PJA2: variants seen among roughly 807,000 people sequenced by gnomAD.
PJA2 encodes the protein E3 ubiquitin-protein ligase Praja-2.
PJA2 carries 25 observed loss-of-function variants against 69.3 expected under a neutral mutation model. The observed-to-expected ratio is 0.36, with a 90% CI of 0.26 to 0.50. PJA2 has a LOEUF of 0.50. PJA2 is among the 20% of genes least tolerant of loss of function. The probability of loss-of-function intolerance (pLI) is 0.96; values close to 1 mark genes in which losing one functional copy is unlikely to be tolerated. For synonymous variants in PJA2, 308 were observed against 277.8 expected, an observed-to-expected ratio of 1.11 and a Z score of -1.08; for missense variants, 809 against 830.2, an observed-to-expected ratio of 0.97 and a Z score of 0.31.
At chr5:109,349,885 T>C (rs554722541) in intron 7 of PJA2, among the ~76,000 whole-genome samples, 99 of 152,320 alleles carry the variant, frequency 6.5e-4, no homozygotes, top group African/African-American at 2.3e-3. Flanking sequence ...AGATAGGAAA[T>C]GGAAGGTAAG....
At chr5:109,362,762 G>T in intron 6 of PJA2, 78 bp downstream of exon 6, 1 of 1,348,342 alleles carries the variant, frequency 7.4e-7, no homozygotes. Context: ...TTCTCAGCTA[G>T]CAGAGATTTA....
intron 1 of PJA2, among the ~76,000 whole-genome samples, chr5:109,401,865 T>TA (rs1747559701): frequency 6.6e-6 from 1 of 152,214 alleles, no homozygotes; most frequent in Non-Finnish European, 1.5e-5. Context: ...GGCTAATGAC[T>TA]ACCATACTAG....
Position 109,378,512 on chromosome 5 carries a change from G to C in PJA2, c.975C>G (p.Ser325Arg). The change falls in exon 4 of 10, where the codon AGC becomes AGG. Residue 325 changes from serine to arginine, a missense_variant. This residue lies in a region of PJA2 where 700 missense variants were observed against 639.5 expected (regional missense o/e 1.09). Coordinates refer to ENST00000361189, the MANE Select transcript of PJA2 (RefSeq NM_014819.5). ...RPKVRKLISS[S>R]QVDQETGFNR... Reference sequence around the variant, plus strand: ...TAAAACCTGTTTCTTGGTCCACCTGGCTTGAACTTATCAGTTTTCTAACTT... The same window carrying C: ...TAAAACCTGTTTCTTGGTCCACCTGCCTTGAACTTATCAGTTTTCTAACTT... 2.5e-6 allele frequency: 4 copies of C among 1,614,056 alleles called. No homozygotes were observed. Among genetic ancestry groups the C allele is most frequent in the Non-Finnish European group, 3.4e-6 (4 of 1,179,992 alleles).
At chr5:109,364,635 A>G (rs1457557502) in intron 5 of PJA2, among the ~76,000 whole-genome samples, 2 of 142,984 alleles carry the variant, frequency 1.4e-5, no homozygotes, top group African/African-American at 2.5e-5. Flanking sequence ...AAAAAAAAAA[A>G]AAAAAATTTC....
At chr5:109,399,731 G>A (rs912251473) in intron 1 of PJA2, among the ~76,000 whole-genome samples, 55 of 152,052 alleles carry the variant, frequency 3.6e-4, no homozygotes, top group Non-Finnish European at 2.1e-4. Flanking sequence ...CAAAAAAGCT[G>A]AGGAGGAAAA....
intron 1 of PJA2, among the ~76,000 whole-genome samples, chr5:109,399,878 T>G (rs1034971318): frequency 6.6e-6 from 1 of 151,904 alleles, no homozygotes; most frequent in Non-Finnish European, 1.5e-5. Flanking sequence ...CATCAACTCA[T>G]GAGAAATTTC....
chr5:109,367,820 C>A (rs1034098624), intron 5 of PJA2, among the ~76,000 whole-genome samples: 5 of 152,156 alleles, frequency 3.3e-5, no homozygotes, highest in African/African-American at 9.7e-5. Flanking sequence ...TCTTCATGAT[C>A]AGGGCAAAAG....
At chr5:109,342,229 G>T (rs1244012880) in intron 9 of PJA2, among the ~76,000 whole-genome samples, 1 of 50,838 alleles carries the variant, frequency 2.0e-5, no homozygotes, top group Admixed American at 2.2e-4. Flanking sequence ...CCGGCCAGCC[G>T]CCCTGTCCAG....
chr5:109,356,932 C>T (rs1478852962), intron 6 of PJA2, among the ~76,000 whole-genome samples: 2 of 152,104 alleles, frequency 1.3e-5, no homozygotes, highest in African/African-American at 2.4e-5. Flanking sequence ...CTGAACATAT[C>T]GAGATTCCTC....
Position 109,337,111 on chromosome 5 carries a change from T to C in PJA2, c.*120A>G. ...AGAAAGGTTAATATTCTTTCTAAAC[T>C]ATGGCATATACTATATATAGCATTT... is the stretch of plus-strand genomic sequence containing the variant. On this transcript the variant is annotated 3_prime_UTR_variant, in exon 10 of 10. Coordinates refer to ENST00000361189, the MANE Select transcript of PJA2 (RefSeq NM_014819.5). 1 of 925,752 alleles carries C rather than the reference T, an allele frequency of 1.1e-6. No individual in the cohort carries two copies. Among genetic ancestry groups the C allele is most frequent in the Non-Finnish European group, 1.5e-6 (1 of 685,840 alleles). 57.3% of individuals were successfully genotyped at this position (925,752 alleles called of 1,614,324 possible). A position where few individuals can be genotyped will look rare whatever the true frequency, so the allele number is the denominator to read the frequency against.
At chr5:109,361,881 G>A (rs899518230) in intron 6 of PJA2, among the ~76,000 whole-genome samples, 1 of 152,204 alleles carries the variant, frequency 6.6e-6, no homozygotes, top group African/African-American at 2.4e-5. Context: ...AAGATGTTCA[G>A]TTTCCCATCT....
At chr5:109,374,732 C>T (rs531335143) in intron 4 of PJA2, among the ~76,000 whole-genome samples, 180 of 152,244 alleles carry the variant, frequency 1.2e-3, no homozygotes, top group Non-Finnish European at 2.3e-3. Flanking sequence ...AAGTTAAGTC[C>T]TAAGGCCACA....
At chr5:109,387,319 C>G (rs571365961) in intron 1 of PJA2, among the ~76,000 whole-genome samples, 1 of 151,860 alleles carries the variant, frequency 6.6e-6, no homozygotes, top group Admixed American at 6.6e-5. Context: ...CACTTTCTAT[C>G]TCTAAGTATA....
chr5:109,363,772 A>C (rs1762535817), intron 5 of PJA2, among the ~76,000 whole-genome samples: 1 of 152,198 alleles, frequency 6.6e-6, no homozygotes, highest in South Asian at 2.1e-4. Context: ...AACTAACTAA[A>C]CAGGAACAGA....
chr5:109,380,741 G>T (rs560371277), intron 3 of PJA2, among the ~76,000 whole-genome samples: 3 of 149,204 alleles, frequency 2.0e-5, no homozygotes, highest in Non-Finnish European at 4.4e-5. Flanking sequence ...GGAGGTGGAG[G>T]CTGCAGGGAG....
chr5:109,376,591 C>A (rs1746892807), intron 4 of PJA2, among the ~76,000 whole-genome samples: 3 of 151,498 alleles, frequency 2.0e-5, no homozygotes, highest in African/African-American at 7.3e-5. Flanking sequence ...AAGGTATAGC[C>A]AAATTAAATG....
At chr5:109,371,771 T>C (rs113205067) in intron 4 of PJA2, among the ~76,000 whole-genome samples, 2 of 152,340 alleles carry the variant, frequency 1.3e-5, no homozygotes, top group African/African-American at 2.4e-5. Flanking sequence ...CTCACAATTT[T>C]TGCTGCAGTT....
intron 7 of PJA2, among the ~76,000 whole-genome samples, chr5:109,350,829 T>C (rs1032869655): frequency 1.6e-4 from 24 of 152,290 alleles, no homozygotes; most frequent in Non-Finnish European, 2.9e-5. Flanking sequence ...ATTGTGAGTA[T>C]GTAAAGACTT....
At position 109,409,964 on chromosome 5, in the gene PJA2, G is replaced by C. The variant is rs548891161; in HGVS notation, c.-210C>G. ...GAAGCGGCTGGCGGCTGTGGCGGCGGCGGCGGCGGTGGCGGCGGCGGAAGC... is the reference window on the plus strand; with the variant it reads ...GAAGCGGCTGGCGGCTGTGGCGGCGCCGGCGGCGGTGGCGGCGGCGGAAGC... On this transcript the variant is annotated 5_prime_UTR_variant, in exon 1 of 10. Coordinates refer to ENST00000361189, the MANE Select transcript of PJA2 (RefSeq NM_014819.5). 3.5e-3 allele frequency: 773 copies of C among 218,524 alleles called. 6 individuals carry two copies. Among genetic ancestry groups the C allele is most frequent in the African/African-American group, 0.018 (737 of 41,996 alleles). 13.5% of individuals were successfully genotyped at this position (218,524 alleles called of 1,614,324 possible).
Sources: gnomAD v4.1 joint callset for allele counts (sites outside exome capture counted in the v4.1 genomes callset) on GRCh38, gnomAD v4.1.1 for gene constraint, gnomAD v4.1.1 regional missense constraint, MANE v1.5 for transcripts, NCBI Gene and HGNC (gene_info 2026-07-23, HGNC 2026-07-21) for gene names.